The following GFM2 variants were observed in gnomAD, a reference collection of about 807,000 sequenced individuals.
GFM2 encodes ribosome-releasing factor 2, mitochondrial.
In GFM2, 72 loss-of-function variants were observed where a neutral mutation model predicts 95.4. That is an observed-to-expected ratio of 0.76 (90% CI 0.62 to 0.92). GFM2 has a LOEUF of 0.92. Among genes scored for constraint, GFM2 ranks in the 40% least tolerant of loss-of-function variants. GFM2 has a pLI of 0.00. For synonymous variants in GFM2, 276 were observed against 317.5 expected (o/e 0.87, Z 1.39); for missense variants, 825 against 924.1 (o/e 0.89, Z 1.39).
chr5:74,745,620 T>C lies in GFM2; in HGVS notation c.849+58A>G, dbSNP rs1743342502. 37 of 1,399,956 alleles carry C rather than the reference T, an allele frequency of 2.6e-5. No homozygotes were observed. The South Asian group carries it at 4.6e-4, about 18-fold the overall frequency. The allele number at this position is 1,399,956 out of a possible 1,614,324, so 86.7% of individuals were successfully genotyped here. A position where few individuals can be genotyped will look rare whatever the true frequency, so the allele number is the denominator to read the frequency against. Reference sequence around the variant, plus strand: ...CCCGAGAGATGCTAAAGTATGACTATATTTTAAGATAAGTGGTGCACACAT... The same window carrying C: ...CCCGAGAGATGCTAAAGTATGACTACATTTTAAGATAAGTGGTGCACACAT... On this transcript the variant is annotated intron_variant, in intron 10 of 20. Transcript: ENST00000296805.
At chr5:74,749,157 G>A (rs1053337983) in intron 7 of GFM2, among the ~76,000 whole-genome samples, 3 of 151,558 alleles carry the variant, frequency 2.0e-5, no homozygotes, top group East Asian at 2.0e-4. Flanking sequence ...GGGATGACAA[G>A]TGCACGCCAC....
At position 74,766,992 on chromosome 5, in the gene GFM2, G is replaced by C. The variant is rs1390165811; in HGVS notation, c.-79C>G. The C allele has an allele frequency of 4.4e-6, 1 of 228,186 alleles. No individual in the cohort carries two copies. The highest frequency in any genetic ancestry group is 8.9e-6 in the Non-Finnish European group (1 of 111,852). 14.1% of individuals were successfully genotyped at this position (228,186 alleles called of 1,614,324 possible). ...CTCTCACCGCTGGGCTCTTGAAGCA[G>C]GAGGCGCGAGCCGCGCCAAAGTCTG... On this transcript the variant is annotated 5_prime_UTR_variant, in exon 1 of 21. Transcript: ENST00000296805.
chr5:74,727,680 C>T (rs1030223755), intron 17 of GFM2, among the ~76,000 whole-genome samples: 5 of 152,076 alleles, frequency 3.3e-5, no homozygotes, highest in African/African-American at 9.7e-5. Context: ...CCTTATATAC[C>T]CCCTCACCAT....
At chr5:74,722,156 T>G in intron 20 of GFM2, 1 of 538,046 alleles carries the variant, frequency 1.9e-6, no homozygotes, top group Non-Finnish European at 3.3e-6. Flanking sequence ...TGGTACCACA[T>G]TTTGGGACTG....
chr5:74,754,041 G>A (rs1347314808), intron 5 of GFM2, among the ~76,000 whole-genome samples: 1 of 152,144 alleles, frequency 6.6e-6, no homozygotes, highest in African/African-American at 2.4e-5. Flanking sequence ...CCAGCTAGTA[G>A]GAATTTGGGT....
rs1048167 is a variant in GFM2, at chr5:74,721,674, C to T, written c.2321G>A (p.Arg774Gln). The T allele has an allele frequency of 0.12, 201,374 of 1,611,956 alleles. 13,709 individuals carry two copies. Among genetic ancestry groups the T allele is most frequent in the African/African-American group, 0.23 (17,321 of 74,856 alleles). The change falls in exon 21 of 21, where the codon CGG becomes CAG. Residue 774 changes from arginine to glutamine, a missense_variant. By Grantham distance (43) the Arg-to-Gln change is conservative. Transcript: ENST00000296805. ...AAACATTTAGGTCAAACCACTTCTC[C>T]GGTTGAGCAGTGTATTTTGATCTTG... ...NPQDQNTLLN[R>Q]RSGLT
chr5:74,763,128 G>A (rs1744367758), intron 2 of GFM2, among the ~76,000 whole-genome samples: 1 of 152,210 alleles, frequency 6.6e-6, no homozygotes, highest in Admixed American at 6.5e-5. Context: ...ATAATTTATA[G>A]TGTTTTGAAG....
At position 74,721,537 on chromosome 5, in the gene GFM2, T is replaced by G; in HGVS notation, c.*118A>C. The G allele has an allele frequency of 9.1e-7, 1 of 1,103,334 alleles. No individual in the cohort carries two copies. The highest frequency in any genetic ancestry group is 1.3e-5 in the South Asian group (1 of 74,232). 68.3% of individuals were successfully genotyped at this position (1,103,334 alleles called of 1,614,324 possible). Reference sequence around the variant, plus strand: ...AGCTTAAGTTATATCTTTTATCTAGTTCTCTGAATGTACTGAAACAGTACT... The same window carrying G: ...AGCTTAAGTTATATCTTTTATCTAGGTCTCTGAATGTACTGAAACAGTACT... On this transcript the variant is annotated 3_prime_UTR_variant, in exon 21 of 21. Transcript: ENST00000296805.
intron 19 of GFM2, among the ~76,000 whole-genome samples, chr5:74,722,932 C>T (rs1307134862): frequency 2.6e-5 from 4 of 151,438 alleles, no homozygotes; most frequent in Non-Finnish European, 4.4e-5. Context: ...AAGGGGAGAG[C>T]TTAAAAAAAA....
At chr5:74,755,848 A>C (rs1743951767) in intron 5 of GFM2, among the ~76,000 whole-genome samples, 1 of 152,200 alleles carries the variant, frequency 6.6e-6, no homozygotes, top group South Asian at 2.1e-4. Flanking sequence ...ATCCTCCCTA[A>C]ATCATTCTAT....
At chr5:74,766,203 C>T (rs1384051477) in intron 1 of GFM2, among the ~76,000 whole-genome samples, 2 of 152,184 alleles carry the variant, frequency 1.3e-5, no homozygotes, top group Admixed American at 1.3e-4. Flanking sequence ...ACTTTTGAGG[C>T]TGAGGTCGGA....
Position 74,721,475 on chromosome 5 carries a change from T to C in GFM2, c.*180A>G. The C allele has an allele frequency of 1.4e-6, 1 of 733,546 alleles. No homozygotes were observed. 45.4% of individuals were successfully genotyped at this position (733,546 alleles called of 1,614,324 possible). A position where few individuals can be genotyped will look rare whatever the true frequency, so the allele number is the denominator to read the frequency against. On this transcript the variant is annotated 3_prime_UTR_variant, in exon 21 of 21. Transcript: ENST00000296805. ...AAACATCAAAGCACATTTCTCATTA[T>C]ATAAATTAAAACGGGTGGCTCCAGT...
chr5:74,731,714 C>T (rs1341929554), intron 16 of GFM2, among the ~76,000 whole-genome samples: 2 of 152,066 alleles, frequency 1.3e-5, no homozygotes, highest in Non-Finnish European at 2.9e-5. Flanking sequence ...AATAAAATGA[C>T]TTGTTTATAG....
intron 15 of GFM2, among the ~76,000 whole-genome samples, chr5:74,733,750 A>G (rs140855756): frequency 6.6e-6 from 1 of 152,338 alleles, no homozygotes; most frequent in East Asian, 1.9e-4. Flanking sequence ...TTTTCCAAAT[A>G]TCAATTTAGG....
Position 74,736,856 on chromosome 5 carries a change from C to T in GFM2, c.1450G>A (p.Glu484Lys). The T allele has an allele frequency of 6.2e-7, 1 of 1,613,908 alleles. No homozygotes were observed. Among genetic ancestry groups the T allele is most frequent in the Non-Finnish European group, 8.5e-7 (1 of 1,179,852 alleles). The change falls in exon 15 of 21, where the codon GAG (glutamate) becomes AAG (lysine). Residue 484 changes from glutamate (E) to lysine (K), a missense_variant. Physicochemically the swap from Glu to Lys is moderately conservative, Grantham distance 56. Transcript: ENST00000296805. ...CAGAAGAAAACAGGTTCTGGAATCT[C>T]CACTCCAGCCAATAAAAGTCTCTCT... ...EAERLLLAGV[E>K]IPEPVFFCTI...
chr5:74,752,909 A>G (rs535898051), intron 5 of GFM2, among the ~76,000 whole-genome samples: 4 of 152,294 alleles, frequency 2.6e-5, no homozygotes, highest in Admixed American at 1.3e-4. Flanking sequence ...TCTGAACAGT[A>G]GCCCTTAAGT....
chr5:74,747,310 G>A (rs183167234), intron 8 of GFM2, among the ~76,000 whole-genome samples: 1 of 152,248 alleles, frequency 6.6e-6, no homozygotes. Flanking sequence ...ACCTTCAAAT[G>A]CAGGAAACAG....
chr5:74,726,485 A>AGGG (rs1561235324), intron 17 of GFM2, among the ~76,000 whole-genome samples: 1 of 152,192 alleles, frequency 6.6e-6, no homozygotes, highest in East Asian at 1.9e-4. Flanking sequence ...AAATGATAAA[A>AGGG]CCTTTACAAA....
At position 74,755,784 on chromosome 5, in the gene GFM2, G is replaced by C. The variant is rs556280619; in HGVS notation, c.304+3065C>G. On this transcript the variant is annotated intron_variant, in intron 5 of 20. Transcript: ENST00000296805. ...ATGGATTTGCAGCTGAATTCCATCA[G>C]ACATTCAAAGAATTGGCACCAATTC... 8.5e-5 allele frequency among the ~76,000 whole-genome samples: 13 copies of C among 152,280 alleles called. No homozygotes were observed. In the East Asian group the frequency reaches 1.5e-3, roughly 18 times the overall value.
Sources: allele counts gnomAD v4.1 joint callset (sites outside exome capture counted in the v4.1 genomes callset), GRCh38; gene constraint gnomAD v4.1.1; transcripts MANE v1.5; gene names NCBI Gene and HGNC (gene_info 2026-07-23, HGNC 2026-07-21).